TMTC1: variants seen among roughly 807,000 people sequenced by gnomAD.
TMTC1 encodes the protein protein O-mannosyl-transferase TMTC1.
A neutral mutation model predicts 104.8 loss-of-function variants in TMTC1; 73 were observed. The observed-to-expected ratio is 0.70, with a 90% CI of 0.58 to 0.85. The LOEUF is 0.85. TMTC1 is among the 40% of genes least tolerant of loss of function. TMTC1 has a pLI of 0.00. For missense variants in TMTC1, 1,035 were observed against 1,096.1 expected (o/e 0.94, Z 0.79); for synonymous variants, 434 against 428.7 (o/e 1.01, Z -0.15).
chr12:29,633,089 A>G lies in TMTC1; in HGVS notation c.1128+58T>C. 3.4e-6 allele frequency: 5 copies of G among 1,488,614 alleles called. No homozygotes were observed. In the South Asian group the frequency reaches 6.3e-5, roughly 19 times the overall value. The allele number at this position is 1,488,614 out of a possible 1,614,324, so 92.2% of individuals were successfully genotyped here. A position where few individuals can be genotyped will look rare whatever the true frequency, so the allele number is the denominator to read the frequency against. On this transcript the variant is annotated intron_variant, in intron 6 of 17. Transcript: ENST00000539277. The stretch of plus-strand genomic sequence containing the variant: ...GACCATCCGCACTAAAAAGAACATT[A>G]TAGGCATAGAATATCTGTCTTCAAA...
intron 5 of TMTC1, among the ~76,000 whole-genome samples, chr12:29,703,930 G>A (rs942193355): frequency 4.6e-5 from 7 of 152,112 alleles, no homozygotes; most frequent in African/African-American, 1.4e-4. Context: ...ATCTTGAATT[G>A]TAGCTCCCAT....
At chr12:29,659,935 G>T in intron 5 of TMTC1, 2 of 1,536,024 alleles carry the variant, frequency 1.3e-6, no homozygotes, top group Non-Finnish European at 1.7e-6. Context: ...GAAAAGAGGG[G>T]CATAGATCCT....
intron 1 of TMTC1, among the ~76,000 whole-genome samples, chr12:29,774,060 A>G (rs1208145505): frequency 6.6e-6 from 1 of 152,144 alleles, no homozygotes; most frequent in Non-Finnish European, 1.5e-5. Context: ...GGCATGTGAT[A>G]AACGCATGCC....
At chr12:29,658,632 C>T in intron 5 of TMTC1, 1 of 207,254 alleles carries the variant, frequency 4.8e-6, no homozygotes, top group Non-Finnish European at 1.0e-5. Flanking sequence ...GCCACGGAAA[C>T]ATTTGTGGGG....
intron 8 of TMTC1, among the ~76,000 whole-genome samples, chr12:29,582,181 A>T (rs1368870956): frequency 1.3e-5 from 2 of 152,236 alleles, no homozygotes; most frequent in Non-Finnish European, 2.9e-5. Context: ...CAAACACATT[A>T]TTTTAAAATA....
At chr12:29,582,561 T>A (rs1240383283) in intron 8 of TMTC1, among the ~76,000 whole-genome samples, 1 of 152,234 alleles carries the variant, frequency 6.6e-6, no homozygotes, top group African/African-American at 2.4e-5. Context: ...CAAGACGGAT[T>A]TTCCAGATGC....
At chr12:29,567,256 G>C (rs892305981) in intron 9 of TMTC1, among the ~76,000 whole-genome samples, 4 of 152,130 alleles carry the variant, frequency 2.6e-5, no homozygotes, top group African/African-American at 9.7e-5. Flanking sequence ...GTTTTCTGGG[G>C]AACCATGCAT....
chr12:29,724,563 G>A (rs1942329720), intron 5 of TMTC1, among the ~76,000 whole-genome samples: 1 of 152,126 alleles, frequency 6.6e-6, no homozygotes, highest in African/African-American at 2.4e-5. Flanking sequence ...GCATTACATA[G>A]AGTATTACAC....
intron 6 of TMTC1, among the ~76,000 whole-genome samples, chr12:29,626,533 T>C (rs1938002315): frequency 6.6e-6 from 1 of 152,154 alleles, no homozygotes; most frequent in South Asian, 2.1e-4. Flanking sequence ...AAATAAGGTG[T>C]TTAGGGAGAA....
rs570293280 is a variant in TMTC1, at chr12:29,783,346, C to CA, written c.302+103dup. The CA allele has an allele frequency of 1.6e-4, 174 of 1,090,526 alleles. No individual in the cohort carries two copies. In the East Asian group the frequency reaches 4.9e-3, roughly 31 times the overall value. The allele number at this position is 1,090,526 out of a possible 1,614,324, so 67.6% of individuals were successfully genotyped here. On this transcript the variant is annotated intron_variant, in intron 1 of 17. Transcript: ENST00000539277. This position sits in a 1 kb window ranked among gnomAD's most constrained non-coding sequence, Gnocchi z 4.7. ...AGGGAGGCGTGGAGGGAAAGGGCGG[C>CA]AAAAATGAAATGCCCCCAAGTCAGT...
intron 9 of TMTC1, among the ~76,000 whole-genome samples, chr12:29,561,143 T>C (rs1209797469): frequency 1.3e-5 from 2 of 151,616 alleles, no homozygotes; most frequent in East Asian, 3.9e-4. Context: ...TATGATGGTA[T>C]CATTGCACTC....
chr12:29,610,726 C>T (rs1310792875), intron 6 of TMTC1, among the ~76,000 whole-genome samples: 1 of 152,176 alleles, frequency 6.6e-6, no homozygotes, highest in Non-Finnish European at 1.5e-5. Flanking sequence ...GTGACATGAG[C>T]ACAACCCACA....
intron 3 of TMTC1, among the ~76,000 whole-genome samples, chr12:29,758,360 G>A (rs1943264841): frequency 6.6e-6 from 1 of 152,088 alleles, no homozygotes; most frequent in Non-Finnish European, 1.5e-5. Context: ...CAAATTATAG[G>A]CAAATAAAAG....
At position 29,563,523 on chromosome 12, in the gene TMTC1, A is replaced by G. The variant is rs564735427; in HGVS notation, c.1533-6523T>C. ...TATGTTTTGAATACCCACTGCAGGAACTGGGTATTACTCCTGATATATAAT... is the reference window on the plus strand; with the variant it reads ...TATGTTTTGAATACCCACTGCAGGAGCTGGGTATTACTCCTGATATATAAT... On this transcript the variant is annotated intron_variant, in intron 9 of 17. Transcript: ENST00000539277. 1.9e-4 allele frequency among the ~76,000 whole-genome samples: 29 copies of G among 152,268 alleles called. No individual in the cohort carries two copies. The South Asian group carries it at 5.8e-3, about 31-fold the overall frequency.
At chr12:29,728,421 A>C (rs1485639357) in intron 5 of TMTC1, among the ~76,000 whole-genome samples, 4 of 152,142 alleles carry the variant, frequency 2.6e-5, no homozygotes, top group Non-Finnish European at 5.9e-5. Flanking sequence ...AACTGCCCAC[A>C]TGTGGGAAGC....
At chr12:29,537,726 G>A (rs1281990809) in intron 10 of TMTC1, among the ~76,000 whole-genome samples, 2 of 152,130 alleles carry the variant, frequency 1.3e-5, no homozygotes, top group Non-Finnish European at 2.9e-5. Context: ...GCAGGTGACC[G>A]TAGCTCCTGA....
chr12:29,588,118 T>TC (rs1946187697), intron 7 of TMTC1, among the ~76,000 whole-genome samples: 1 of 152,144 alleles, frequency 6.6e-6, no homozygotes, highest in African/African-American at 2.4e-5. Context: ...AGAGTCACCA[T>TC]CCTACTCCCC....
At chr12:29,612,533 G>A (rs1946871692) in intron 6 of TMTC1, among the ~76,000 whole-genome samples, 1 of 152,112 alleles carries the variant, frequency 6.6e-6, no homozygotes, top group Non-Finnish European at 1.5e-5. Context: ...TCCCATCTCA[G>A]CCACCTGAGT....
chr12:29,646,678 G>A (rs939737161), intron 5 of TMTC1, among the ~76,000 whole-genome samples: 1 of 151,976 alleles, frequency 6.6e-6, no homozygotes, highest in Non-Finnish European at 1.5e-5. Flanking sequence ...GGAAAACTAC[G>A]CTCATTGACC....
Sources: gnomAD v4.1 joint callset for allele counts (sites outside exome capture counted in the v4.1 genomes callset) on GRCh38, gnomAD v4.1.1 for gene constraint, Gnocchi (gnomAD v3.1) non-coding constraint, MANE v1.5 for transcripts, NCBI Gene and HGNC (gene_info 2026-07-23, HGNC 2026-07-21) for gene names.